The following DPY19L2 variants were observed in gnomAD, a reference collection of about 807,000 sequenced individuals.
The protein encoded by DPY19L2 is dpy-19 like 2, also known as probable C-mannosyltransferase DPY19L2.
DPY19L2 carries 34 observed loss-of-function variants against 97.9 expected under a neutral mutation model. That is an observed-to-expected ratio of 0.35 (90% CI 0.26 to 0.46). The LOEUF is 0.46. DPY19L2 is among the 20% of genes least tolerant of loss of function. The pLI is 1.00. For missense variants in DPY19L2, 623 were observed against 911.4 expected, an observed-to-expected ratio of 0.68 and a Z score of 4.07; for synonymous variants, 230 against 307.9, an observed-to-expected ratio of 0.75 and a Z score of 2.65.
intron 11 of DPY19L2, 149 bp downstream of exon 11, chr12:63,617,155 G>A (rs1294993043): frequency 4.1e-5 from 24 of 580,930 alleles, no homozygotes. Flanking sequence ...TCAAGGATAA[G>A]ACAGATAAAA....
intron 19 of DPY19L2, among the ~76,000 whole-genome samples, chr12:63,573,131 A>T (rs1437216459): frequency 6.6e-6 from 1 of 152,176 alleles, no homozygotes; most frequent in Non-Finnish European, 1.5e-5. Flanking sequence ...AATCCTGGAC[A>T]GACAGAGATA....
At chr12:63,604,293 T>C (rs1359574353) in intron 12 of DPY19L2, among the ~76,000 whole-genome samples, 4 of 152,160 alleles carry the variant, frequency 2.6e-5, no homozygotes, top group Non-Finnish European at 5.9e-5. Context: ...AAAGTTAACT[T>C]ATAATGTATC....
At chr12:63,617,081 G>C (rs1205069500) in intron 11 of DPY19L2, among the ~76,000 whole-genome samples, 1 of 152,058 alleles carries the variant, frequency 6.6e-6, no homozygotes, top group East Asian at 1.9e-4. Context: ...ATTACTTTAT[G>C]ATCATTTTTA....
intron 16 of DPY19L2, chr12:63,584,041 A>G: frequency 2.0e-6 from 1 of 504,434 alleles, no homozygotes; most frequent in Non-Finnish European, 3.6e-6. Context: ...CATCCTATTC[A>G]AGATATGTCA....
Position 63,639,500 on chromosome 12 carries a change from T to C in DPY19L2, c.803+4903A>G, listed in dbSNP as rs576777123. On this transcript the variant is annotated intron_variant, in intron 6 of 21. Transcript: ENST00000324472. ...TCTGCAAAGAACTTAAACAAATTTA[T>C]AAGAAAAAAATCAAACAACCCCATC... Among the ~76,000 whole-genome samples, 11 of 149,116 alleles carry C rather than the reference T, an allele frequency of 7.4e-5. No individual in the cohort carries two copies. The South Asian group carries it at 2.3e-3, about 31-fold the overall frequency.
chr12:63,576,948 C>G (rs552726758), intron 19 of DPY19L2, among the ~76,000 whole-genome samples: 1 of 151,634 alleles, frequency 6.6e-6, no homozygotes, highest in African/African-American at 2.4e-5. Flanking sequence ...CTTATTTATT[C>G]GAAAACACAA....
intron 12 of DPY19L2, among the ~76,000 whole-genome samples, chr12:63,603,493 T>C (rs1191295766): frequency 2.0e-5 from 3 of 152,162 alleles, no homozygotes; most frequent in African/African-American, 7.2e-5. Flanking sequence ...CCAGCATTCA[T>C]TAGCTACTTT....
At chr12:63,562,218 T>C (rs550852618) in intron 21 of DPY19L2, among the ~76,000 whole-genome samples, 1 of 152,312 alleles carries the variant, frequency 6.6e-6, no homozygotes, top group African/African-American at 2.4e-5. Flanking sequence ...ATAAAAATCA[T>C]GAACATATCC....
intron 16 of DPY19L2, chr12:63,591,155 T>G (rs1274259336): frequency 4.4e-6 from 2 of 453,052 alleles, no homozygotes; most frequent in Admixed American, 4.7e-5. Flanking sequence ...GGTTCTATTA[T>G]CCCCTTTATT....
chr12:63,609,284 T>C (rs1213112393), intron 11 of DPY19L2, among the ~76,000 whole-genome samples: 1 of 151,962 alleles, frequency 6.6e-6, no homozygotes, highest in African/African-American at 2.4e-5. Flanking sequence ...AGGTAAGAAG[T>C]TGGGATTGAC....
At chr12:63,598,241 A>T (rs1472541675) in intron 13 of DPY19L2, among the ~76,000 whole-genome samples, 3 of 152,164 alleles carry the variant, frequency 2.0e-5, no homozygotes, top group Non-Finnish European at 4.4e-5. Flanking sequence ...ATAATAAGAC[A>T]ATTTATCATG....
At chr12:63,620,085 G>C (rs1888448790) in intron 9 of DPY19L2, 4 of 395,358 alleles carry the variant, frequency 1.0e-5, no homozygotes. Flanking sequence ...TTCCAATATA[G>C]AATATTATTA....
chr12:63,589,999 G>A (rs1592462929), intron 16 of DPY19L2, among the ~76,000 whole-genome samples: 1 of 152,130 alleles, frequency 6.6e-6, no homozygotes, highest in East Asian at 1.9e-4. Context: ...GTGATGACGG[G>A]TGCCTGTTAT....
chr12:63,622,289 T>C (rs2137814063), intron 8 of DPY19L2, among the ~76,000 whole-genome samples: 1 of 152,184 alleles, frequency 6.6e-6, no homozygotes, highest in Middle Eastern at 3.4e-3. Context: ...CCCACCTTCC[T>C]AGGAATTAAA....
intron 13 of DPY19L2, among the ~76,000 whole-genome samples, chr12:63,598,580 A>G (rs780954239): frequency 1.4e-4 from 21 of 152,170 alleles, no homozygotes; most frequent in Non-Finnish European, 2.6e-4. Flanking sequence ...CAGCATCCTC[A>G]GAAGTCCAGA....
chr12:63,646,746 A>C (rs1351874691), intron 5 of DPY19L2, among the ~76,000 whole-genome samples: 2 of 152,180 alleles, frequency 1.3e-5, no homozygotes, highest in Admixed American at 1.3e-4. Flanking sequence ...TGACAAAGAA[A>C]CCAATGTAGA....
intron 11 of DPY19L2, among the ~76,000 whole-genome samples, chr12:63,615,495 A>T (rs1887682946): frequency 6.6e-6 from 1 of 152,312 alleles, no homozygotes. Flanking sequence ...TCCAATTTCT[A>T]ATATATCAAG....
intron 2 of DPY19L2, among the ~76,000 whole-genome samples, chr12:63,664,409 T>C (rs1896081969): frequency 6.6e-6 from 1 of 152,080 alleles, no homozygotes; most frequent in Non-Finnish European, 1.5e-5. Flanking sequence ...TCACCCTTCC[T>C]TCCATCCCAG....
chr12:63,582,473 A>G lies in DPY19L2; in HGVS notation c.1658T>C (p.Ile553Thr). The G allele has an allele frequency of 6.2e-7, 1 of 1,613,674 alleles. No homozygotes were observed. The highest frequency in any genetic ancestry group is 8.5e-7 in the Non-Finnish European group (1 of 1,179,698). The change falls in exon 18 of 22, where the codon ATT (isoleucine) becomes ACT (threonine). Residue 553 changes from isoleucine (I) to threonine (T), a missense_variant. By Grantham distance (89) the Ile-to-Thr change is moderately conservative. This residue lies in a region of DPY19L2 where 294 missense variants were observed against 446.2 expected (regional missense o/e 0.66). Coordinates refer to ENST00000324472, the MANE Select transcript of DPY19L2 (RefSeq NM_173812.5). ...LLVFTALAIL[I>T]MRLKMFLTPH... is the part of the protein sequence containing the mutation. ...TGTCAAAAACATCTTTAGCCTCATA[A>G]TTAAAATGGCAAGGGCAGTAAACAC...
Sources: allele counts gnomAD v4.1 joint callset (sites outside exome capture counted in the v4.1 genomes callset), GRCh38; gene constraint gnomAD v4.1.1; regional missense constraint gnomAD v4.1.1; transcripts MANE v1.5; gene names NCBI Gene and HGNC (gene_info 2026-07-23, HGNC 2026-07-21).